PDGFRA: variants seen among roughly 807,000 people sequenced by gnomAD.
The protein encoded by PDGFRA is platelet derived growth factor receptor alpha, also known as platelet-derived growth factor receptor alpha.
A neutral mutation model predicts 121.5 loss-of-function variants in PDGFRA; 25 were observed. The ratio of observed to expected loss-of-function variants is 0.21; its 90% CI spans 0.15 to 0.29. The LOEUF is 0.29. Ranked by LOEUF, PDGFRA falls within the 10% of genes least tolerant of loss-of-function variation. PDGFRA has a pLI of 1.00. For missense variants in PDGFRA, 1,008 were observed against 1,345.1 expected, an observed-to-expected ratio of 0.75 and a Z score of 3.92; for synonymous variants, 463 against 494.8, an observed-to-expected ratio of 0.94 and a Z score of 0.85.
chr4:54,263,587 C>A, intron 3 of PDGFRA, 80 bp from the exon 4 acceptor site: 1 of 1,323,176 alleles, frequency 7.6e-7, no homozygotes, highest in Non-Finnish European at 1.1e-6. Flanking sequence ...TCAATAATGC[C>A]AGTGGGATAG....
At chr4:54,272,014 C>T (rs1490636307) in intron 8 of PDGFRA, among the ~76,000 whole-genome samples, 2 of 99,740 alleles carry the variant, frequency 2.0e-5, no homozygotes, top group African/African-American at 7.8e-5. Context: ...CTCCCCTCCC[C>T]TTCCCTTCCC....
chr4:54,287,177 T>C (rs1389294127), intron 18 of PDGFRA, among the ~76,000 whole-genome samples: 1 of 152,210 alleles, frequency 6.6e-6, no homozygotes, highest in Non-Finnish European at 1.5e-5. Flanking sequence ...TTAATGTTTT[T>C]GGATATTATT....
intron 10 of PDGFRA, 85 bp downstream of exon 10, chr4:54,273,815 TAGA>T: frequency 1.9e-6 from 2 of 1,032,700 alleles, no homozygotes. Context: ...AGGGGTTATA[TAGA>T]AATGAAGGTC....
chr4:54,264,657 T>A, intron 4 of PDGFRA: 1 of 402,804 alleles, frequency 2.5e-6, no homozygotes. Context: ...ACTAACCCAC[T>A]GCTGAGGAAT....
chr4:54,290,277 A>AAC (rs764596421), intron 21 of PDGFRA, 36 bp from the exon 22 acceptor site: 1 of 1,564,268 alleles, frequency 6.4e-7, no homozygotes, highest in Admixed American at 1.7e-5. Context: ...TTTGGTTGTT[A>AAC]ACACTTGATT....
chr4:54,241,897 G>A lies in PDGFRA; in HGVS notation c.-13+12482G>A, dbSNP rs147097283. Among the ~76,000 whole-genome samples the A allele has an allele frequency of 2.7e-3, 414 of 152,260 alleles. 5 individuals are homozygous for A. The highest frequency in any genetic ancestry group is 9.8e-3 in the African/African-American group (409 of 41,560). On this transcript the variant is annotated intron_variant, in intron 1 of 22. Coordinates refer to ENST00000257290, the MANE Select transcript of PDGFRA (RefSeq NM_006206.6). Reference sequence around the variant, plus strand: ...CTCTATCTAAATTTTGGTGCCCTATGTTAAAACAAGTTTTTCTTCAAGTAT... The same window carrying A: ...CTCTATCTAAATTTTGGTGCCCTATATTAAAACAAGTTTTTCTTCAAGTAT...
rs1432827418 is a variant in PDGFRA, at chr4:54,269,499, A to G, written c.1122-1134A>G. Among the ~76,000 whole-genome samples, 3 of 137,480 alleles carry G rather than the reference A, an allele frequency of 2.2e-5. No individual in the cohort carries two copies. In the South Asian group the frequency reaches 7.0e-4, roughly 32 times the overall value. 90.2% of individuals were successfully genotyped at this position (137,480 alleles called of 152,430 possible). ...ATGGGCACATACTATATTTATGCAC[A>G]TACATACACACACACACACACACAC... On this transcript the variant is annotated intron_variant, in intron 7 of 22. Coordinates refer to ENST00000257290, the MANE Select transcript of PDGFRA (RefSeq NM_006206.6).
At chr4:54,289,415 T>C (rs1038787806) in intron 21 of PDGFRA, among the ~76,000 whole-genome samples, 5 of 152,238 alleles carry the variant, frequency 3.3e-5, no homozygotes, top group African/African-American at 4.8e-5. Context: ...CCATGGCCAT[T>C]ACATCACTAA....
intron 1 of PDGFRA, among the ~76,000 whole-genome samples, chr4:54,247,975 C>T (rs1376360101): frequency 6.6e-6 from 1 of 152,120 alleles, no homozygotes; most frequent in Admixed American, 6.6e-5. Context: ...ACAATTGCTT[C>T]AAAGAGAATA....
chr4:54,245,021 AAG>A (rs1721551836), intron 1 of PDGFRA, among the ~76,000 whole-genome samples: 1 of 152,206 alleles, frequency 6.6e-6, no homozygotes, highest in East Asian at 1.9e-4. Context: ...TTAAAGAAAA[AAG>A]AATAAAAAGA....
Position 54,297,625 on chromosome 4 carries a change from C to T in PDGFRA, c.*2353C>T, listed in dbSNP as rs1034676123. On this transcript the variant is annotated 3_prime_UTR_variant, in exon 23 of 23. Transcript: ENST00000257290. The stretch of plus-strand genomic sequence containing the variant: ...CAGCAGTTTCCAGTCCTAACAAATG[C>T]TCCCACCTGAATTTGTATATGACTG... 8.6e-6 allele frequency: 2 copies of T among 233,584 alleles called. No homozygotes were observed. Among genetic ancestry groups the T allele is most frequent in the African/African-American group, 4.4e-5 (2 of 45,338 alleles). The allele number at this position is 233,584 out of a possible 1,614,324, so 14.5% of individuals were successfully genotyped here.
At chr4:54,281,368 G>A (rs1333224223) in intron 16 of PDGFRA, among the ~76,000 whole-genome samples, 1 of 152,222 alleles carries the variant, frequency 6.6e-6, no homozygotes, top group Non-Finnish European at 1.5e-5. Context: ...GTTCTTAAGT[G>A]AAAGGTACAA....
At chr4:54,286,728 C>T (rs6822077) in intron 18 of PDGFRA, among the ~76,000 whole-genome samples, 151,912 of 152,310 alleles carry the variant, frequency 1, 75,759 homozygotes, top group Middle Eastern at 1. Context: ...GGTGTCTTTA[C>T]ATTTTAAGCT....
In PDGFRA at chr4:54,278,021, C is replaced by T; in HGVS notation, c.2002+15C>T. 6.9e-7 allele frequency: 1 copy of T among 1,456,556 alleles called. No individual in the cohort carries two copies. Among genetic ancestry groups the T allele is most frequent in the Non-Finnish European group, 9.6e-7 (1 of 1,036,374 alleles). 90.2% of individuals were successfully genotyped at this position (1,456,556 alleles called of 1,614,324 possible). ...CACCAAGTCAGGTGGGCTCACTGAC[C>T]TGGAGTGAGGATTTTCACTGGACAC... On this transcript the variant is annotated intron_variant, in intron 14 of 22. Transcript: ENST00000257290.
At chr4:54,262,969 G>T (rs1435989710) in intron 3 of PDGFRA, among the ~76,000 whole-genome samples, 1 of 152,160 alleles carries the variant, frequency 6.6e-6, no homozygotes, top group Non-Finnish European at 1.5e-5. Flanking sequence ...AGACGTAGGG[G>T]CCCTTTCTGC....
chr4:54,290,880 GC>G (rs2110349951), intron 22 of PDGFRA, among the ~76,000 whole-genome samples: 1 of 152,270 alleles, frequency 6.6e-6, no homozygotes, highest in Non-Finnish European at 1.5e-5. Context: ...AGCCTCTCCT[GC>G]CATTGTCTTA....
At chr4:54,277,525 C>G (rs552546779) in intron 13 of PDGFRA, 33 bp downstream of exon 13, 2 of 1,455,416 alleles carry the variant, frequency 1.4e-6, no homozygotes, top group South Asian at 2.3e-5. Context: ...TTTTTGAGCA[C>G]GGGGATTTTT....
At chr4:54,247,980 A>G (rs976695279) in intron 1 of PDGFRA, among the ~76,000 whole-genome samples, 58 of 152,312 alleles carry the variant, frequency 3.8e-4, no homozygotes, top group African/African-American at 1.3e-3. Flanking sequence ...TGCTTCAAAG[A>G]GAATAAAATA....
At position 54,264,929 on chromosome 4, in the gene PDGFRA, G is replaced by A. The variant is rs766964547; in HGVS notation, c.639G>A (p.Glu213=). 8 of 1,612,964 alleles carry A rather than the reference G, an allele frequency of 5.0e-6. No individual in the cohort carries two copies. The South Asian group carries it at 8.8e-5, about 18-fold the overall frequency. Reference sequence around the variant, plus strand: ...TGTTCTTTTTTATAGCAACATCAGAGCTGGATCTAGAAATGGAAGCTCTTA... The same window carrying A: ...TGTTCTTTTTTATAGCAACATCAGAACTGGATCTAGAAATGGAAGCTCTTA... ...FNVYALKATS[E]LDLEMEALKT... The change falls in exon 5 of 23, where the codon GAG becomes GAA. Residue 213 remains glutamate, a synonymous_variant. Transcript: ENST00000257290.
Sources: gnomAD v4.1 joint callset for allele counts (sites outside exome capture counted in the v4.1 genomes callset) on GRCh38, gnomAD v4.1.1 for gene constraint, MANE v1.5 for transcripts, NCBI Gene and HGNC (gene_info 2026-07-23, HGNC 2026-07-21) for gene names.